GASK1A: variants seen among roughly 807,000 people sequenced by gnomAD.
The protein encoded by GASK1A is golgi associated kinase 1A.
Under a neutral mutation model 41.2 loss-of-function variants are expected in GASK1A, and 40 were observed. The ratio of observed to expected loss-of-function variants is 0.97; its 90% confidence interval spans 0.75 to 1.27. The LOEUF (loss-of-function observed/expected upper bound fraction) is 1.27. Among genes scored for constraint, GASK1A ranks in the 50% most tolerant of loss-of-function variants. The pLI is 0.00. For missense variants in GASK1A, 678 were observed against 745.1 expected (o/e 0.91, Z 1.05); for synonymous variants, 316 against 307.1 (o/e 1.03, Z -0.30).
chr3:43,047,194 G>A (rs545137438), intron 2 of GASK1A, among the ~76,000 whole-genome samples: 1 of 152,340 alleles, frequency 6.6e-6, no homozygotes, highest in Admixed American at 6.5e-5. Flanking sequence ...ACCTGGAAAA[G>A]CTGCAGACAC....
intron 2 of GASK1A, among the ~76,000 whole-genome samples, chr3:43,041,169 G>A (rs1488739507): frequency 6.7e-6 from 1 of 149,912 alleles, no homozygotes; most frequent in East Asian, 1.9e-4. Context: ...ATTGTGAATA[G>A]TGCCGCAATA....
At chr3:43,026,921 C>T (rs13061038) in intron 1 of GASK1A, among the ~76,000 whole-genome samples, 83,685 of 152,054 alleles carry the variant, frequency 0.55, 23,442 homozygotes, top group South Asian at 0.68. Flanking sequence ...GCATATTGCA[C>T]GCCAAGAAAA....
At chr3:43,029,167 G>A (rs1177067897) in intron 1 of GASK1A, among the ~76,000 whole-genome samples, 1 of 152,094 alleles carries the variant, frequency 6.6e-6, no homozygotes, top group African/African-American at 2.4e-5. Flanking sequence ...TTGGCCCTGA[G>A]TCGCCTTGTA....
chr3:43,054,352 C>T (rs919805437), intron 3 of GASK1A: 5 of 153,482 alleles, frequency 3.3e-5, no homozygotes, highest in African/African-American at 1.2e-4. Flanking sequence ...TGGGAATTCT[C>T]CTCCCCTACC....
At chr3:43,015,763 G>C (rs1440618757) in intron 1 of GASK1A, among the ~76,000 whole-genome samples, 7 of 151,660 alleles carry the variant, frequency 4.6e-5, no homozygotes, top group African/African-American at 1.7e-4. Context: ...AAGGGGCAGT[G>C]TTAAGTCACA....
intron 1 of GASK1A, among the ~76,000 whole-genome samples, chr3:43,027,591 T>C (rs982644605): frequency 6.6e-6 from 1 of 152,028 alleles, no homozygotes; most frequent in Non-Finnish European, 1.5e-5. Context: ...GAAGAGGAAA[T>C]AATTTTAATA....
chr3:43,056,194 G>A lies in GASK1A; in HGVS notation c.1536G>A (p.Val512=). Residue 512 remains valine (V), a synonymous_variant, in exon 5 of 5, where the codon GTG becomes GTA. Transcript: ENST00000430121. ...EGIDGFPESA[V]KVLASGCLQN... The stretch of plus-strand genomic sequence containing the variant: ...GCTCCAGGTTTCCTGAGTCTGCCGT[G>A]AAGGTTCTCGCATCAGGGTGTCTAC... The A allele has an allele frequency of 6.4e-6, 10 of 1,551,304 alleles. No individual in the cohort carries two copies. Among genetic ancestry groups the A allele is most frequent in the Non-Finnish European group, 8.7e-6 (10 of 1,146,674 alleles).
Position 42,984,836 on chromosome 3 carries a change from G to T in GASK1A, c.3+5191G>T, listed in dbSNP as rs1347171901. ...AAGCAGGTGGGGGTCTCCGTGACTTGCTTTGGTGCCTTATCTACCAGGGAG... is the reference window on the plus strand; with the variant it reads ...AAGCAGGTGGGGGTCTCCGTGACTTTCTTTGGTGCCTTATCTACCAGGGAG... On this transcript the variant is annotated intron_variant, in intron 1 of 4. Coordinates refer to ENST00000430121, the MANE Select transcript of GASK1A (RefSeq NM_001129908.3). This position sits in a 1 kb window ranked among gnomAD's most constrained non-coding sequence, Gnocchi z 4.2. 6.6e-6 allele frequency among the ~76,000 whole-genome samples: 1 copy of T among 152,176 alleles called. No individual in the cohort carries two copies. Among genetic ancestry groups the T allele is most frequent in the Non-Finnish European group, 1.5e-5 (1 of 68,028 alleles).
At chr3:43,042,865 A>C (rs2089644837) in intron 2 of GASK1A, among the ~76,000 whole-genome samples, 1 of 152,180 alleles carries the variant, frequency 6.6e-6, no homozygotes, top group Non-Finnish European at 1.5e-5. Flanking sequence ...GAAGCAGTCT[A>C]GGTGTTCCCT....
At chr3:43,003,860 A>G (rs1248629373) in intron 1 of GASK1A, among the ~76,000 whole-genome samples, 1 of 152,378 alleles carries the variant, frequency 6.6e-6, no homozygotes, top group South Asian at 2.1e-4. Context: ...TTTTACCAGT[A>G]AAGGTGTATG....
At chr3:43,004,347 A>G (rs911455250) in intron 1 of GASK1A, among the ~76,000 whole-genome samples, 2 of 152,210 alleles carry the variant, frequency 1.3e-5, no homozygotes, top group African/African-American at 4.8e-5. Flanking sequence ...GAGACTGCAG[A>G]TGTCAGATCT....
intron 1 of GASK1A, among the ~76,000 whole-genome samples, chr3:43,019,929 A>G (rs2089513138): frequency 1.3e-5 from 2 of 152,196 alleles, no homozygotes; most frequent in Non-Finnish European, 2.9e-5. Context: ...CCTGCCCAGC[A>G]TGTTATCCCA....
chr3:43,004,646 G>A (rs1283068900), intron 1 of GASK1A, among the ~76,000 whole-genome samples: 1 of 152,110 alleles, frequency 6.6e-6, no homozygotes, highest in Admixed American at 6.5e-5. Flanking sequence ...TGGAAGATGA[G>A]GATTTGGGCC....
intron 1 of GASK1A, among the ~76,000 whole-genome samples, chr3:42,989,240 A>C (rs1575434368): frequency 6.6e-6 from 1 of 152,272 alleles, no homozygotes; most frequent in East Asian, 1.9e-4. Flanking sequence ...GGAGCAAGGA[A>C]CACATTTCCT....
intron 1 of GASK1A, among the ~76,000 whole-genome samples, chr3:43,001,735 C>T (rs899087087): frequency 6.6e-5 from 10 of 152,096 alleles, no homozygotes; most frequent in African/African-American, 2.2e-4. Context: ...TGGGCCCCTG[C>T]GGATGTAATT....
intron 2 of GASK1A, among the ~76,000 whole-genome samples, chr3:43,047,965 G>A (rs182461925): frequency 1.3e-5 from 2 of 152,164 alleles, no homozygotes; most frequent in African/African-American, 4.8e-5. Context: ...CTGGTCTGGC[G>A]GCACATAACC....
intron 1 of GASK1A, among the ~76,000 whole-genome samples, chr3:43,019,689 G>A (rs2089511728): frequency 6.6e-6 from 1 of 151,890 alleles, no homozygotes; most frequent in South Asian, 2.1e-4. Context: ...CAAAGGTCGG[G>A]GAACAGAAAC....
intron 1 of GASK1A, among the ~76,000 whole-genome samples, chr3:43,023,463 C>G (rs1359837979): frequency 6.6e-6 from 1 of 152,160 alleles, no homozygotes; most frequent in Non-Finnish European, 1.5e-5. Context: ...AACTAATATA[C>G]TGTGACATAT....
chr3:43,044,650 G>T (rs369188792), intron 2 of GASK1A, among the ~76,000 whole-genome samples: 18 of 152,148 alleles, frequency 1.2e-4, no homozygotes, highest in South Asian at 2.1e-4. Context: ...CAAACTGGGG[G>T]TCACAAACTA....
Sources: allele counts gnomAD v4.1 joint callset (sites outside exome capture counted in the v4.1 genomes callset), GRCh38; gene constraint gnomAD v4.1.1; non-coding constraint Gnocchi (gnomAD v3.1); transcripts MANE v1.5; gene names NCBI Gene and HGNC (gene_info 2026-07-23, HGNC 2026-07-21).